Variants in NSUN6 observed in about 807,000 individuals in gnomAD.
The protein encoded by NSUN6 is tRNA (cytosine(72)-C(5))-methyltransferase NSUN6.
A neutral mutation model predicts 58.0 loss-of-function variants in NSUN6; 64 were observed. The ratio of observed to expected loss-of-function variants is 1.10; its 90% CI spans 0.90 to 1.36. The LOEUF (loss-of-function observed/expected upper bound fraction) is 1.36, where lower values mean the gene tolerates loss of function less well. Ranked by LOEUF, NSUN6 falls within the 40% of genes most tolerant of loss-of-function variation. The pLI, the probability that NSUN6 is intolerant of heterozygous loss-of-function variation, is 0.00. For synonymous variants in NSUN6, 231 were observed against 193.9 expected (o/e 1.19, Z -1.59); for missense variants, 701 against 550.1 (o/e 1.27, Z -2.74).
intron 3 of NSUN6, among the ~76,000 whole-genome samples, chr10:18,632,320 A>T (rs1249861988): frequency 7.4e-6 from 1 of 134,848 alleles, no homozygotes; most frequent in African/African-American, 2.7e-5. Flanking sequence ...AAACCTAGGC[A>T]TTACCATTCA....
intron 8 of NSUN6, among the ~76,000 whole-genome samples, chr10:18,585,373 G>A (rs2057085154): frequency 6.6e-6 from 1 of 152,154 alleles, no homozygotes; most frequent in Non-Finnish European, 1.5e-5. Flanking sequence ...TCATTTCACT[G>A]CAGCATTATT....
intron 3 of NSUN6, among the ~76,000 whole-genome samples, chr10:18,624,797 A>T (rs1193396100): frequency 6.6e-6 from 1 of 152,100 alleles, no homozygotes; most frequent in Non-Finnish European, 1.5e-5. Context: ...TTGGCTAGCT[A>T]AGCAGCTAGA....
intron 8 of NSUN6, among the ~76,000 whole-genome samples, chr10:18,567,248 A>T (rs1426509710): frequency 6.7e-6 from 1 of 148,954 alleles, no homozygotes; most frequent in South Asian, 2.1e-4. Context: ...TCCATATTCT[A>T]TTCCTTTCTC....
intron 8 of NSUN6, among the ~76,000 whole-genome samples, chr10:18,573,543 C>T (rs1459741591): frequency 1.3e-5 from 2 of 151,886 alleles, no homozygotes; most frequent in Non-Finnish European, 1.5e-5. Flanking sequence ...TCCCTTCTCC[C>T]ACAGTCTTTT....
chr10:18,565,429 A>C (rs1166146591), intron 8 of NSUN6, among the ~76,000 whole-genome samples: 1 of 148,394 alleles, frequency 6.7e-6, no homozygotes, highest in Non-Finnish European at 1.5e-5. Flanking sequence ...TCTCCACTCC[A>C]TTCCATTCTC....
At chr10:18,615,702 T>C (rs572405365) in intron 4 of NSUN6, among the ~76,000 whole-genome samples, 5 of 152,320 alleles carry the variant, frequency 3.3e-5, no homozygotes, top group African/African-American at 1.2e-4. Flanking sequence ...CAATTGTTTC[T>C]TGATTTCAAG....
chr10:18,646,428 A>G (rs2059548609), intron 2 of NSUN6, among the ~76,000 whole-genome samples: 1 of 152,152 alleles, frequency 6.6e-6, no homozygotes, highest in Non-Finnish European at 1.5e-5. Context: ...TTCCCTGTCC[A>G]ACGTTAACCT....
At position 18,603,468 on chromosome 10, in the gene NSUN6, C is replaced by CTTTTT. The variant is rs1465029374; in HGVS notation, c.657+6376_657+6377insAAAAA. 4.7e-5 allele frequency among the ~76,000 whole-genome samples: 7 copies of CTTTTT among 149,710 alleles called. 1 individual carries two copies. Among genetic ancestry groups the CTTTTT allele is most frequent in the Non-Finnish European group, 4.5e-5 (3 of 67,276 alleles). On this transcript the variant is annotated intron_variant, in intron 6 of 10. Transcript: ENST00000377304. ...ACTATATGCACGCTCTTTTTCTTTT[C>CTTTTT]TTTTCTTTTCTTTTTTTTTGGGATG...
Position 18,633,294 on chromosome 10 carries a change from G to T in NSUN6, c.311+9182C>A, listed in dbSNP as rs919907479. On this transcript the variant is annotated intron_variant, in intron 3 of 10. Transcript: ENST00000377304. ...GCGGGGAGGGGGGAGGGATAGCATT[G>T]GGAGATATACCTAATGCTAGATGAT... 1.1e-4 allele frequency among the ~76,000 whole-genome samples: 16 copies of T among 150,274 alleles called. No individual in the cohort carries two copies. The Admixed American group carries it at 1.1e-3, about 10-fold the overall frequency.
At chr10:18,612,762 T>C (rs961029555) in intron 5 of NSUN6, among the ~76,000 whole-genome samples, 6 of 152,232 alleles carry the variant, frequency 3.9e-5, no homozygotes, top group African/African-American at 1.2e-4. Flanking sequence ...AGGTATGAGA[T>C]TACATGTTTC....
intron 2 of NSUN6, among the ~76,000 whole-genome samples, chr10:18,643,905 A>G (rs2059461713): frequency 6.6e-6 from 1 of 152,116 alleles, no homozygotes; most frequent in South Asian, 2.1e-4. Flanking sequence ...TATAAATAAA[A>G]CCCATAAAAC....
chr10:18,565,264 T>TCATTCTCTATTCCATTC (rs879318688), intron 8 of NSUN6, among the ~76,000 whole-genome samples: 7,339 of 149,108 alleles, frequency 0.049, 275 homozygotes, highest in Non-Finnish European at 0.079. Flanking sequence ...CCATTCCAGT[T>TCATTCTCTATTCCATTC]CATTCCGTAA....
In NSUN6 at chr10:18,626,771, T is replaced by TG. The variant is rs538575402; in HGVS notation, c.312-10479dup. ...AACAAGGGCAAGACTCCGTCCTGGGTGGGGGAAAAAAAAAGATGGAAATCG... is the reference window on the plus strand; with the variant it reads ...AACAAGGGCAAGACTCCGTCCTGGGTGGGGGGAAAAAAAAAGATGGAAATCG... On this transcript the variant is annotated intron_variant, in intron 3 of 10. Transcript: ENST00000377304. Among the ~76,000 whole-genome samples the TG allele has an allele frequency of 4.9e-5, 7 of 143,296 alleles. No homozygotes were observed. In the East Asian group the frequency reaches 6.2e-4, roughly 13 times the overall value. 94.0% of individuals were successfully genotyped at this position (143,296 alleles called of 152,430 possible). A position where few individuals can be genotyped will look rare whatever the true frequency, so the allele number is the denominator to read the frequency against.
chr10:18,551,015 C>T (rs1309088932), intron 9 of NSUN6, among the ~76,000 whole-genome samples: 1 of 152,074 alleles, frequency 6.6e-6, no homozygotes, highest in East Asian at 1.9e-4. Flanking sequence ...CGCAAGCCAC[C>T]ATACTAGCCA....
intron 8 of NSUN6, among the ~76,000 whole-genome samples, chr10:18,575,698 A>G (rs1371999865): frequency 6.6e-6 from 1 of 152,132 alleles, no homozygotes; most frequent in Non-Finnish European, 1.5e-5. Context: ...GTGTCTTCCT[A>G]TTGCCCTGCT....
At chr10:18,598,754 G>A (rs1207494734) in intron 6 of NSUN6, among the ~76,000 whole-genome samples, 5 of 152,076 alleles carry the variant, frequency 3.3e-5, no homozygotes, top group Non-Finnish European at 7.4e-5. Flanking sequence ...GAGTGAGCCA[G>A]TATACCTGGC....
rs540393501 is a variant in NSUN6 at position 18,617,401 on chromosome 10, G to A, written c.312-1108C>T. Among the ~76,000 whole-genome samples, 8 of 151,964 alleles carry A rather than the reference G, an allele frequency of 5.3e-5. No homozygotes were observed. The South Asian group carries it at 1.5e-3, about 28-fold the overall frequency. On this transcript the variant is annotated intron_variant, in intron 3 of 10. Transcript: ENST00000377304. The stretch of plus-strand genomic sequence containing the variant: ...CAGGGTTTCACCATGTTGGCCAGGT[G>A]GGTCTCGAACTCCTGACCTCAGGTG...
chr10:18,576,418 T>C (rs1240646188), intron 8 of NSUN6, among the ~76,000 whole-genome samples: 1 of 152,104 alleles, frequency 6.6e-6, no homozygotes, highest in Non-Finnish European at 1.5e-5. Flanking sequence ...TTACCCTCAA[T>C]GTAGAGCTTT....
intron 8 of NSUN6, among the ~76,000 whole-genome samples, chr10:18,571,288 T>G (rs777644061): frequency 6.7e-6 from 1 of 149,436 alleles, no homozygotes; most frequent in Non-Finnish European, 1.5e-5. Flanking sequence ...TCCATTCCAT[T>G]CCCTTCTTTT....
Sources: gnomAD v4.1 joint callset for allele counts (sites outside exome capture counted in the v4.1 genomes callset) on GRCh38, gnomAD v4.1.1 for gene constraint, MANE v1.5 for transcripts, NCBI Gene and HGNC (gene_info 2026-07-23, HGNC 2026-07-21) for gene names.